ZFAND3: variants seen among roughly 807,000 people sequenced by gnomAD.
ZFAND3 encodes AN1-type zinc finger protein 3.
Under a neutral mutation model 29.6 loss-of-function variants are expected in ZFAND3, and 10 were observed. The observed-to-expected ratio is 0.34, with a 90% CI of 0.21 to 0.57. The LOEUF is 0.57. Ranked by LOEUF, ZFAND3 falls within the 20% of genes least tolerant of loss-of-function variation. The pLI, the probability that ZFAND3 is intolerant of heterozygous loss-of-function variation, is 0.86. For missense variants in ZFAND3, 230 were observed against 304.5 expected (o/e 0.76, Z 1.82); for synonymous variants, 128 against 112.6 (o/e 1.14, Z -0.87).
At chr6:37,978,725 A>G (rs1257602102) in intron 2 of ZFAND3, among the ~76,000 whole-genome samples, 4 of 152,086 alleles carry the variant, frequency 2.6e-5, no homozygotes, top group South Asian at 2.1e-4. Context: ...ATAACATTTC[A>G]TCCGTCTCAG....
At chr6:37,871,607 C>T (rs1183133425) in intron 1 of ZFAND3, among the ~76,000 whole-genome samples, 1 of 151,998 alleles carries the variant, frequency 6.6e-6, no homozygotes, top group Non-Finnish European at 1.5e-5. Flanking sequence ...GTTTCTATAG[C>T]CATATTAGGG....
chr6:38,113,010 G>A (rs1765349760), intron 4 of ZFAND3, among the ~76,000 whole-genome samples: 1 of 152,160 alleles, frequency 6.6e-6, no homozygotes. Flanking sequence ...AGGATAGTGA[G>A]CAGTTTTGGA....
chr6:37,836,413 A>G (rs1763969357), intron 1 of ZFAND3, among the ~76,000 whole-genome samples: 1 of 152,206 alleles, frequency 6.6e-6, no homozygotes, highest in South Asian at 2.1e-4. Context: ...ACACTGAGAT[A>G]GGAGGTAAAT....
At chr6:37,990,346 C>G (rs9462375) in intron 2 of ZFAND3, among the ~76,000 whole-genome samples, 3,391 of 152,122 alleles carry the variant, frequency 0.022, 85 homozygotes, top group African/African-American at 0.063. Flanking sequence ...GTATATTCCC[C>G]CTCCCCTCAA....
chr6:38,052,433 T>G (rs1764044613), intron 2 of ZFAND3, among the ~76,000 whole-genome samples: 1 of 152,202 alleles, frequency 6.6e-6, no homozygotes, highest in African/African-American at 2.4e-5. Flanking sequence ...TTGTAGCAAT[T>G]TAAAATCCAT....
chr6:38,001,086 G>A (rs1044889140), intron 2 of ZFAND3, among the ~76,000 whole-genome samples: 4 of 152,164 alleles, frequency 2.6e-5, no homozygotes, highest in Non-Finnish European at 5.9e-5. Flanking sequence ...ATTTAGAAAT[G>A]CAAGAATGCT....
intron 1 of ZFAND3, among the ~76,000 whole-genome samples, chr6:37,900,102 CTT>C (rs777230252): frequency 3.3e-5 from 5 of 152,022 alleles, no homozygotes; most frequent in Non-Finnish European, 7.4e-5. Flanking sequence ...ACTTTAGTCT[CTT>C]TTTATGGACA....
chr6:37,902,026 CTCTGGTAAT>C (rs1205739218), intron 1 of ZFAND3, among the ~76,000 whole-genome samples: 1 of 152,070 alleles, frequency 6.6e-6, no homozygotes, highest in African/African-American at 2.4e-5. Flanking sequence ...GTTGAGTGTC[CTCTGGTAAT>C]TCTGTTTTTA....
chr6:37,890,925 C>T (rs771209598), intron 1 of ZFAND3, among the ~76,000 whole-genome samples: 23 of 152,210 alleles, frequency 1.5e-4, no homozygotes, highest in Non-Finnish European at 2.8e-4. Context: ...GCTCCAAACA[C>T]ACTAATCTCT....
intron 2 of ZFAND3, among the ~76,000 whole-genome samples, chr6:37,983,520 C>A (rs760606218): frequency 1.3e-5 from 2 of 151,830 alleles, no homozygotes; most frequent in East Asian, 1.9e-4. Context: ...CCACCACACC[C>A]GGCTAATTTT....
intron 1 of ZFAND3, among the ~76,000 whole-genome samples, chr6:37,912,459 G>C (rs1307687858): frequency 1.3e-5 from 2 of 152,184 alleles, no homozygotes; most frequent in African/African-American, 4.8e-5. Context: ...AAAGTAAATA[G>C]TTGTTGAAAT....
chr6:38,150,457 G>A (rs7747943), intron 5 of ZFAND3, among the ~76,000 whole-genome samples: 82 of 152,322 alleles, frequency 5.4e-4, no homozygotes, highest in Non-Finnish European at 9.3e-4. Context: ...TCCTAGTAGG[G>A]TGTGAGTGCC....
At chr6:38,050,475 C>G (rs2645133) in intron 2 of ZFAND3, among the ~76,000 whole-genome samples, 144,801 of 152,052 alleles carry the variant, frequency 0.95, 69,278 homozygotes, top group East Asian at 1. Flanking sequence ...TTGTATCATG[C>G]GGGCGGTTAC....
chr6:38,061,859 A>C lies in ZFAND3; in HGVS notation c.295+84A>C, dbSNP rs1352525613. 22 of 1,460,476 alleles carry C rather than the reference A, an allele frequency of 1.5e-5. 1 individual carries two copies. Among genetic ancestry groups the C allele is most frequent in the Middle Eastern group, 3.6e-4 (2 of 5,510 alleles). The allele number at this position is 1,460,476 out of a possible 1,614,324, so 90.5% of individuals were successfully genotyped here. A position where few individuals can be genotyped will look rare whatever the true frequency, so the allele number is the denominator to read the frequency against. The stretch of plus-strand genomic sequence containing the variant: ...ATCTTGGTAATGCCTGACCCCAGAA[A>C]AAACAGCACTTCTTTTAATTCAAGA... On this transcript the variant is annotated intron_variant, in intron 3 of 5. Coordinates refer to ENST00000287218, the MANE Select transcript of ZFAND3 (RefSeq NM_021943.3).
chr6:37,987,037 A>G (rs891234966), intron 2 of ZFAND3, among the ~76,000 whole-genome samples: 1 of 152,220 alleles, frequency 6.6e-6, no homozygotes, highest in Non-Finnish European at 1.5e-5. Context: ...ATCTCTGAGA[A>G]TTAATAGCCT....
intron 2 of ZFAND3, among the ~76,000 whole-genome samples, chr6:37,972,901 A>C (rs1762414446): frequency 1.3e-5 from 2 of 151,802 alleles, no homozygotes; most frequent in Non-Finnish European, 3.0e-5. Flanking sequence ...GATTCCACTT[A>C]ACTGAAAGTA....
chr6:37,989,421 CCTT>C (rs1279265450), intron 2 of ZFAND3, among the ~76,000 whole-genome samples: 1 of 152,148 alleles, frequency 6.6e-6, no homozygotes, highest in Non-Finnish European at 1.5e-5. Flanking sequence ...TTTACAGACA[CCTT>C]CTTGCTGTGT....
chr6:37,966,737 A>C (rs1010426895), intron 2 of ZFAND3, among the ~76,000 whole-genome samples: 9 of 152,100 alleles, frequency 5.9e-5, no homozygotes, highest in South Asian at 2.1e-4. Context: ...CAAAATGTCC[A>C]AAACCAGGAA....
chr6:37,946,086 T>C (rs1013915952), intron 2 of ZFAND3, among the ~76,000 whole-genome samples: 27 of 152,242 alleles, frequency 1.8e-4, no homozygotes, highest in African/African-American at 6.3e-4. Context: ...GTCTGAATTT[T>C]AGATGGACAT....
Sources: gnomAD v4.1 joint callset for allele counts (sites outside exome capture counted in the v4.1 genomes callset) on GRCh38, gnomAD v4.1.1 for gene constraint, MANE v1.5 for transcripts, NCBI Gene and HGNC (gene_info 2026-07-23, HGNC 2026-07-21) for gene names.